CDK19: variants seen among roughly 807,000 people sequenced by gnomAD.
CDK19 encodes cyclin-dependent kinase 19.
CDK19 carries 20 observed loss-of-function variants against 68.3 expected under a neutral mutation model. That is an observed-to-expected ratio of 0.29 (90% confidence interval 0.21 to 0.43). The LOEUF (loss-of-function observed/expected upper bound fraction) is 0.43, where lower values mean the gene tolerates loss of function less well. CDK19 is among the 20% of genes least tolerant of loss of function. The probability of loss-of-function intolerance (pLI) is 1.00; values close to 1 mark genes in which losing one functional copy is unlikely to be tolerated. For missense variants in CDK19, 339 were observed against 623.5 expected (o/e 0.54, Z 4.86); for synonymous variants, 221 against 222.8 (o/e 0.99, Z 0.07).
At chr6:110,777,547 C>CATAAAATG (rs1780494781) in intron 1 of CDK19, among the ~76,000 whole-genome samples, 2 of 152,122 alleles carry the variant, frequency 1.3e-5, no homozygotes, top group Non-Finnish European at 2.9e-5. Flanking sequence ...TTGGCAGGAG[C>CATAAAATG]ATAAAATGGT....
chr6:110,731,114 GGAAAAGAAAAGAAAAGAAAAGAAAAAA>G (rs1371400352), intron 2 of CDK19, among the ~76,000 whole-genome samples: 4 of 146,232 alleles, frequency 2.7e-5, no homozygotes, highest in African/African-American at 1.0e-4. Context: ...AGAAAAGAAA[GGAAAAGAAAAGAAAAGAAAAGAAAAAA>G]GAAAAGAAAA....
chr6:110,795,088 A>G (rs1223732788), intron 1 of CDK19, among the ~76,000 whole-genome samples: 2 of 152,186 alleles, frequency 1.3e-5, no homozygotes, highest in African/African-American at 4.8e-5. Context: ...CTCCCACCTC[A>G]GCCTCCTGAG....
chr6:110,778,672 A>C (rs1484410112), intron 1 of CDK19, among the ~76,000 whole-genome samples: 1 of 152,014 alleles, frequency 6.6e-6, no homozygotes, highest in Non-Finnish European at 1.5e-5. Flanking sequence ...GCATACACCC[A>C]TTCTCCCTTT....
chr6:110,646,156 C>G (rs17622770), intron 4 of CDK19: 34,517 of 1,008,202 alleles, frequency 0.034, 784 homozygotes, highest in Non-Finnish European at 0.043. Context: ...ATGGAGAGCA[C>G]GCAGCGCGCC....
At chr6:110,750,615 C>A (rs572957784) in intron 1 of CDK19, among the ~76,000 whole-genome samples, 10 of 152,180 alleles carry the variant, frequency 6.6e-5, no homozygotes, top group Non-Finnish European at 1.2e-4. Flanking sequence ...TAGAAAGAAA[C>A]CCCAACCAAA....
rs549163361 is a variant in CDK19, at chr6:110,746,404, T to G, written c.129-203A>C. ...AGAAATTCATGTCACAATGAAAACA[T>G]CAGACACAGCGAAAACACAAAATTC... On this transcript the variant is annotated intron_variant, in intron 1 of 12. Transcript: ENST00000368911. Among the ~76,000 whole-genome samples, 20 of 152,228 alleles carry G rather than the reference T, an allele frequency of 1.3e-4. 1 individual carries two copies. The highest frequency in any genetic ancestry group is 4.8e-4 in the African/African-American group (20 of 41,548).
chr6:110,664,426 T>C (rs1031769457), intron 4 of CDK19, among the ~76,000 whole-genome samples: 2 of 152,204 alleles, frequency 1.3e-5, no homozygotes, highest in African/African-American at 4.8e-5. Flanking sequence ...AGTATAATTG[T>C]TTGTGTGTAT....
intron 2 of CDK19, among the ~76,000 whole-genome samples, chr6:110,708,188 C>A (rs1354480104): frequency 6.6e-6 from 1 of 152,088 alleles, no homozygotes; most frequent in Non-Finnish European, 1.5e-5. Context: ...TAGTGACTAC[C>A]ACACTGGACA....
intron 4 of CDK19, among the ~76,000 whole-genome samples, chr6:110,644,935 C>T (rs1780454566): frequency 6.6e-6 from 1 of 151,980 alleles, no homozygotes; most frequent in Admixed American, 6.6e-5. Flanking sequence ...CAGGAAGAGG[C>T]AATAATCCTA....
At chr6:110,812,000 C>T (rs896102053) in intron 1 of CDK19, among the ~76,000 whole-genome samples, 1 of 151,626 alleles carries the variant, frequency 6.6e-6, no homozygotes, top group African/African-American at 2.4e-5. Flanking sequence ...GAGTTCAAGA[C>T]TAGCTCTGGC....
At chr6:110,733,277 T>C (rs977947716) in intron 2 of CDK19, among the ~76,000 whole-genome samples, 3 of 152,250 alleles carry the variant, frequency 2.0e-5, no homozygotes, top group African/African-American at 7.2e-5. Flanking sequence ...ATTAAGTACA[T>C]CAATTTTCTT....
At chr6:110,648,257 GTAT>G (rs1156730366) in intron 4 of CDK19, among the ~76,000 whole-genome samples, 1 of 152,114 alleles carries the variant, frequency 6.6e-6, no homozygotes, top group African/African-American at 2.4e-5. Flanking sequence ...AGAAACAAAA[GTAT>G]TATTATTTGC....
At chr6:110,701,542 A>G (rs9481097) in intron 2 of CDK19, among the ~76,000 whole-genome samples, 101,669 of 149,952 alleles carry the variant, frequency 0.68, 35,567 homozygotes, top group Admixed American at 0.81. Context: ...ACAGAGCAAG[A>G]CTCTGTCTCA....
chr6:110,812,759 T>A (rs549794298), intron 1 of CDK19, among the ~76,000 whole-genome samples: 1 of 148,706 alleles, frequency 6.7e-6, no homozygotes, highest in Non-Finnish European at 1.5e-5. Flanking sequence ...TAATCTACCA[T>A]GATCGGAGTG....
intron 2 of CDK19, among the ~76,000 whole-genome samples, chr6:110,719,284 AGAC>A (rs1225912071): frequency 6.6e-6 from 1 of 152,156 alleles, no homozygotes; most frequent in East Asian, 1.9e-4. Flanking sequence ...AGGAGTTTTG[AGAC>A]CAGCCTGGGC....
At chr6:110,656,816 G>A (rs1313304908) in intron 4 of CDK19, among the ~76,000 whole-genome samples, 2 of 152,202 alleles carry the variant, frequency 1.3e-5, no homozygotes, top group African/African-American at 4.8e-5. Flanking sequence ...ACAAATACAT[G>A]TATGTAGAAG....
chr6:110,708,565 C>T (rs944001652), intron 2 of CDK19, among the ~76,000 whole-genome samples: 6 of 152,158 alleles, frequency 3.9e-5, no homozygotes, highest in African/African-American at 1.4e-4. Flanking sequence ...GCAGGCTCTC[C>T]GACCAACCTC....
chr6:110,644,438 G>T (rs1420378510), intron 4 of CDK19, among the ~76,000 whole-genome samples: 1 of 151,976 alleles, frequency 6.6e-6, no homozygotes, highest in Non-Finnish European at 1.5e-5. Context: ...TAAATAAGAA[G>T]TAGTATTTGA....
chr6:110,755,215 A>G (rs950377832), intron 1 of CDK19, among the ~76,000 whole-genome samples: 1 of 151,828 alleles, frequency 6.6e-6, no homozygotes, highest in Non-Finnish European at 1.5e-5. Flanking sequence ...TAATTTTTGT[A>G]TTTTTGGTAG....
Sources: allele counts gnomAD v4.1 joint callset (sites outside exome capture counted in the v4.1 genomes callset), GRCh38; gene constraint gnomAD v4.1.1; transcripts MANE v1.5; gene names NCBI Gene and HGNC (gene_info 2026-07-23, HGNC 2026-07-21).